FAM171A2: variants seen among roughly 807,000 people sequenced by gnomAD.
The protein encoded by FAM171A2 is protein FAM171A2.
In FAM171A2, 13 loss-of-function variants were observed where a neutral mutation model predicts 34.2. The ratio of observed to expected loss-of-function variants is 0.38; its 90% confidence interval spans 0.25 to 0.60. The LOEUF (loss-of-function observed/expected upper bound fraction) is 0.60, where lower values mean the gene tolerates loss of function less well. Among genes scored for constraint, FAM171A2 ranks in the 20% least tolerant of loss-of-function variants. FAM171A2 has a pLI of 0.62. For missense variants in FAM171A2, 950 were observed against 1,180.7 expected, an observed-to-expected ratio of 0.80 and a Z score of 2.86; for synonymous variants, 475 against 561.2, an observed-to-expected ratio of 0.85 and a Z score of 2.17.
intron 1 of FAM171A2, 130 bp downstream of exon 1, chr17:44,363,465 AGC>A (rs1763351437): frequency 1.2e-5 from 5 of 407,862 alleles, no homozygotes; most frequent in Non-Finnish European, 1.6e-5. Flanking sequence ...CAGATCGCTT[AGC>A]TCCCCCCACC....
Position 44,354,938 on chromosome 17 carries a change from G to A in FAM171A2, c.1276C>T (p.Pro426Ser), listed in dbSNP as rs1310943082. ...CGGGCACCCGAAGGCTCGGCGGCCGGGCGGCTGGCAGAGCGCGGCTTGGTG... is the reference window on the plus strand; with the variant it reads ...CGGGCACCCGAAGGCTCGGCGGCCGAGCGGCTGGCAGAGCGCGGCTTGGTG... ...FRTKPRSASR[P>S]AAEPSGARGG... Residue 426 changes from proline to serine, a missense_variant, in exon 8 of 8, where the codon CCG becomes TCG. Around this residue, in one of 3 missense-constraint regions of FAM171A2, gnomAD observed 752 missense variants for 924.5 expected, o/e 0.81. Coordinates refer to ENST00000293443, the MANE Select transcript of FAM171A2 (RefSeq NM_198475.3). This position sits in a 1 kb window ranked among gnomAD's most constrained non-coding sequence, Gnocchi z 5.8. 7.0e-7 allele frequency: 1 copy of A among 1,423,750 alleles called. No individual in the cohort carries two copies. The highest frequency in any genetic ancestry group is 9.2e-7 in the Non-Finnish European group (1 of 1,091,452). 88.2% of individuals were successfully genotyped at this position (1,423,750 alleles called of 1,614,324 possible).
At position 44,356,513 on chromosome 17, in the gene FAM171A2, A is replaced by G. The variant is rs1379788903; in HGVS notation, c.515T>C (p.Leu172Pro). 7.1e-6 allele frequency: 11 copies of G among 1,550,492 alleles called. No individual in the cohort carries two copies. In the South Asian group the frequency reaches 1.2e-4, roughly 17 times the overall value. The change falls in exon 4 of 8, where the codon CTC (leucine) becomes CCC (proline). Residue 172 changes from leucine (L) to proline (P), a missense_variant. Physicochemically the swap from Leu to Pro is moderately conservative, Grantham distance 98 (BLOSUM62 -3). This residue lies in a region of FAM171A2 where 752 missense variants were observed against 924.5 expected (regional missense o/e 0.81). Transcript: ENST00000293443. ...GCTGGCAGGCGTAAGTGACGCCCAG[A>G]GCTGGCTGTAGGTGGAGCTGACAGG... Reference protein sequence around the residue: ...RLPVSSTYSQLWASLTPASTQ... With the variant: ...RLPVSSTYSQPWASLTPASTQ...
Position 44,356,056 on chromosome 17 carries a change from C to T in FAM171A2, c.797G>A (p.Gly266Asp). 5 of 1,543,822 alleles carry T rather than the reference C, an allele frequency of 3.2e-6. No individual in the cohort carries two copies. The highest frequency in any genetic ancestry group is 3.5e-6 in the Non-Finnish European group (4 of 1,142,412). Residue 266 changes from glycine to aspartate, a missense_variant, in exon 6 of 8, where the codon GGC becomes GAC. By Grantham distance (94) the Gly-to-Asp change is moderately conservative (BLOSUM62 -1). Around this residue, in one of 3 missense-constraint regions of FAM171A2, gnomAD observed 752 missense variants for 924.5 expected, o/e 0.81. Coordinates refer to ENST00000293443, the MANE Select transcript of FAM171A2 (RefSeq NM_198475.3). ...GCCTTCCTTCCGGATTACACCAGTG[C>T]CATTGCGCACCCACAGCCCTGGGAG... ...DPKSGLWVRN[G>D]TGVIRKEGRQ... is the part of the protein sequence containing the mutation.
At position 44,353,653 on chromosome 17, in the gene FAM171A2, AGGGCCCCCGC is replaced by A. The variant is rs1236737688; in HGVS notation, c.*70_*79del. ...GGCCTGGGGCTGGGAGCTACGCGCG[AGGGCCCCCGC>A]GGGCCCCCGGGGCGCGCACCCTGGG... On this transcript the variant is annotated 3_prime_UTR_variant, in exon 8 of 8. Transcript: ENST00000293443. The A allele has an allele frequency of 9.3e-6, 10 of 1,072,798 alleles. 1 individual carries two copies. Among genetic ancestry groups the A allele is most frequent in the Admixed American group, 9.3e-5 (2 of 21,532 alleles). The allele number at this position is 1,072,798 out of a possible 1,614,324, so 66.5% of individuals were successfully genotyped here.
chr17:44,362,494 G>C (rs1035790832), intron 1 of FAM171A2, among the ~76,000 whole-genome samples: 3 of 152,198 alleles, frequency 2.0e-5, no homozygotes, highest in African/African-American at 7.2e-5. Context: ...TTTCCTGCCA[G>C]CTCCTTAGTG....
chr17:44,361,950 A>G (rs1215346961), intron 1 of FAM171A2, among the ~76,000 whole-genome samples: 4 of 151,926 alleles, frequency 2.6e-5, no homozygotes, highest in African/African-American at 7.3e-5. Context: ...ACAGCTGGAT[A>G]GAGCAGCTGG....
In FAM171A2 at chr17:44,363,833, C is replaced by A; in HGVS notation, c.-119G>T. 2.6e-6 allele frequency: 1 copy of A among 383,824 alleles called. No homozygotes were observed. Among genetic ancestry groups the A allele is most frequent in the Non-Finnish European group, 4.1e-6 (1 of 244,986 alleles). 23.8% of individuals were successfully genotyped at this position (383,824 alleles called of 1,614,324 possible). On this transcript the variant is annotated 5_prime_UTR_variant, in exon 1 of 8. Coordinates refer to ENST00000293443, the MANE Select transcript of FAM171A2 (RefSeq NM_198475.3). ...GCTCCGGCTCCCGCTCCCGCTGCGG[C>A]GCCCGCTCAGCGCGATTGTCTCCGA...
intron 1 of FAM171A2, among the ~76,000 whole-genome samples, chr17:44,361,656 A>C (rs745571363): frequency 6.6e-6 from 1 of 151,136 alleles, no homozygotes; most frequent in Non-Finnish European, 1.5e-5. Flanking sequence ...CACTCCACTC[A>C]CTCTCGCTCT....
chr17:44,353,951 C>A lies in FAM171A2; in HGVS notation c.2263G>T (p.Glu755Ter). 7.7e-7 allele frequency: 1 copy of A among 1,294,170 alleles called. No homozygotes were observed. The highest frequency in any genetic ancestry group is 9.8e-7 in the Non-Finnish European group (1 of 1,025,460). 80.2% of individuals were successfully genotyped at this position (1,294,170 alleles called of 1,614,324 possible). ...EDNSLTPLLD[E>*]VAAPEGRAAT... ...GCCCGGCCCTCGGGCGCCGCCACCTCGTCCAGCAGCGGCGTCAGCGAGTTG... is the reference window on the plus strand; with the variant it reads ...GCCCGGCCCTCGGGCGCCGCCACCTAGTCCAGCAGCGGCGTCAGCGAGTTG... The change falls in exon 8 of 8, where the codon GAG (glutamate) becomes TAG (stop). Residue 755 changes from glutamate (E) to a stop codon, truncating the protein, a stop_gained. Coordinates refer to ENST00000293443, the MANE Select transcript of FAM171A2 (RefSeq NM_198475.3). LOFTEE classifies it low-confidence loss of function (END_TRUNC).
chr17:44,359,357 T>G (rs1348144197), intron 3 of FAM171A2: 6 of 556,108 alleles, frequency 1.1e-5, no homozygotes, highest in East Asian at 6.2e-5. Context: ...ACTGTAAACA[T>G]TTATTGAACA....
At position 44,356,525 on chromosome 17, in the gene FAM171A2, G is replaced by C; in HGVS notation, c.503C>G (p.Thr168Ser). The C allele has an allele frequency of 6.5e-7, 1 of 1,550,316 alleles. No homozygotes were observed. Among genetic ancestry groups the C allele is most frequent in the Non-Finnish European group, 8.7e-7 (1 of 1,146,874 alleles). The change falls in exon 4 of 8, where the codon ACC (threonine) becomes AGC (serine). Residue 168 changes from threonine (T) to serine (S), a missense_variant. Transcript: ENST00000293443. ...RRAARLPVSS[T>S]YSQLWASLTP... is the part of the protein sequence containing the mutation. ...AAGTGACGCCCAGAGCTGGCTGTAG[G>C]TGGAGCTGACAGGCAGGCGGGCAGC...
chr17:44,358,485 G>A (rs1045599174), intron 3 of FAM171A2, among the ~76,000 whole-genome samples: 4 of 152,098 alleles, frequency 2.6e-5, no homozygotes, highest in African/African-American at 9.7e-5. Flanking sequence ...CTGAGGTCAG[G>A]AGTTCGAGAC....
rs934886454 is a variant in FAM171A2, at chr17:44,354,263, G to A, written c.1951C>T (p.Pro651Ser). 8.2e-6 allele frequency: 12 copies of A among 1,459,762 alleles called. No individual in the cohort carries two copies. The highest frequency in any genetic ancestry group is 4.9e-5 in the Admixed American group (2 of 40,450). 90.4% of individuals were successfully genotyped at this position (1,459,762 alleles called of 1,614,324 possible). A position where few individuals can be genotyped will look rare whatever the true frequency, so the allele number is the denominator to read the frequency against. Reference sequence around the variant, plus strand: ...TCGAGGGACACGAACCAGGCGCGCGGGTGCGGCTTCACGCCCAGTTCCAGC... The same window carrying A: ...TCGAGGGACACGAACCAGGCGCGCGAGTGCGGCTTCACGCCCAGTTCCAGC... ...KLLELGVKPHPRAWFVSLDGR... is the reference protein window; with the variant it reads ...KLLELGVKPHSRAWFVSLDGR... Residue 651 changes from proline (P) to serine (S), a missense_variant, in exon 8 of 8, where the codon CCG (proline) becomes TCG (serine). Coordinates refer to ENST00000293443, the MANE Select transcript of FAM171A2 (RefSeq NM_198475.3). The surrounding 1 kb of genome is among the most constrained non-coding windows in gnomAD (Gnocchi z 5.8).
At position 44,359,156 on chromosome 17, in the gene FAM171A2, G is replaced by C. The variant is rs183602152; in HGVS notation, c.439+423C>G. ...TGCCTGGCACAGCCTAGGAGTTGAA[G>C]TAAGTACTAGCTGAGCGAGACCAAA... On this transcript the variant is annotated intron_variant, in intron 3 of 7. Transcript: ENST00000293443. 170 of 173,966 alleles carry C rather than the reference G, an allele frequency of 9.8e-4. No individual in the cohort carries two copies. The South Asian group carries it at 0.013, about 13-fold the overall frequency. 10.8% of individuals were successfully genotyped at this position (173,966 alleles called of 1,614,324 possible).
chr17:44,360,315 G>A (rs1396948462), intron 1 of FAM171A2, among the ~76,000 whole-genome samples, 183 bp from the exon 2 acceptor site: 6 of 152,236 alleles, frequency 3.9e-5, no homozygotes, highest in African/African-American at 2.4e-5. Context: ...AGCCCATGCC[G>A]GAGGTGGGAC....
At position 44,354,998 on chromosome 17, in the gene FAM171A2, G is replaced by A; in HGVS notation, c.1216C>T (p.Arg406Trp). 1.3e-6 allele frequency: 2 copies of A among 1,498,048 alleles called. No homozygotes were observed. Among genetic ancestry groups the A allele is most frequent in the Non-Finnish European group, 1.8e-6 (2 of 1,125,126 alleles). 92.8% of individuals were successfully genotyped at this position (1,498,048 alleles called of 1,614,324 possible). ...TCATCCCGGGAGGAGGCCAAGTCCC[G>A]GGAGCTGGAGAAGGCCGAGTGGAGG... ...GPLHSAFSSS[R>W]DLASSRDDFF... The change falls in exon 8 of 8, where the codon CGG becomes TGG. Residue 406 changes from arginine (R) to tryptophan (W), a missense_variant. This residue lies in a region of FAM171A2 where 752 missense variants were observed against 924.5 expected (regional missense o/e 0.81). Transcript: ENST00000293443. The surrounding 1 kb of genome is among the most constrained non-coding windows in gnomAD (Gnocchi z 5.8).
At chr17:44,362,744 T>A (rs2048453047) in intron 1 of FAM171A2, among the ~76,000 whole-genome samples, 1 of 151,900 alleles carries the variant, frequency 6.6e-6, no homozygotes, top group East Asian at 1.9e-4. Context: ...AAGGGTCTCC[T>A]CCACTGCGAA....
At chr17:44,361,036 G>T (rs112376123) in intron 1 of FAM171A2, among the ~76,000 whole-genome samples, 7 of 152,210 alleles carry the variant, frequency 4.6e-5, no homozygotes, top group South Asian at 2.1e-4. Context: ...GGAGATCTAG[G>T]GGGGAGCAAC....
chr17:44,357,577 G>A (rs2048430043), intron 3 of FAM171A2, among the ~76,000 whole-genome samples: 1 of 152,112 alleles, frequency 6.6e-6, no homozygotes, highest in African/African-American at 2.4e-5. Context: ...AACCCAGGCA[G>A]CAGAGGTTGC....
Sources: allele counts gnomAD v4.1 joint callset (sites outside exome capture counted in the v4.1 genomes callset), GRCh38; gene constraint gnomAD v4.1.1; regional missense constraint gnomAD v4.1.1; non-coding constraint Gnocchi (gnomAD v3.1); transcripts MANE v1.5; gene names NCBI Gene and HGNC (gene_info 2026-07-23, HGNC 2026-07-21).